Variants in PPM1B observed in about 807,000 individuals in gnomAD.
PPM1B encodes protein phosphatase, Mg2+/Mn2+ dependent 1B.
PPM1B carries 22 observed loss-of-function variants against 43.0 expected under a neutral mutation model. The ratio of observed to expected loss-of-function variants is 0.51; its 90% CI spans 0.37 to 0.73. The LOEUF is 0.73. Among genes scored for constraint, PPM1B ranks in the 30% least tolerant of loss-of-function variants. The pLI, the probability that PPM1B is intolerant of heterozygous loss-of-function variation, is 0.00. For synonymous variants in PPM1B, 217 were observed against 197.9 expected (o/e 1.10, Z -0.81); for missense variants, 632 against 584.2 (o/e 1.08, Z -0.84).
intron 3 of PPM1B, chr2:44,209,559 A>G (rs929249615): frequency 2.3e-5 from 9 of 391,936 alleles, no homozygotes; most frequent in East Asian, 1.9e-4. Context: ...AGGCGGGCAG[A>G]TCATGAGGTC....
chr2:44,179,173 C>G (rs763529511), intron 1 of PPM1B, among the ~76,000 whole-genome samples: 1 of 152,184 alleles, frequency 6.6e-6, no homozygotes, highest in Non-Finnish European at 1.5e-5. Context: ...CTGCTGCCAT[C>G]TATGTAAGAT....
intron 5 of PPM1B, among the ~76,000 whole-genome samples, chr2:44,228,863 A>C (rs138188435): frequency 6.6e-6 from 1 of 152,174 alleles, no homozygotes; most frequent in African/African-American, 2.4e-5. Context: ...ACCTGTAAAC[A>C]TTTAAGCATG....
intron 5 of PPM1B, among the ~76,000 whole-genome samples, chr2:44,224,232 G>T (rs1331703830): frequency 1.3e-5 from 2 of 152,082 alleles, no homozygotes; most frequent in Admixed American, 6.6e-5. Context: ...GAGGTGGGCG[G>T]ATCACAAGGT....
At chr2:44,208,525 C>G (rs1251366341) in intron 2 of PPM1B, among the ~76,000 whole-genome samples, 1 of 151,926 alleles carries the variant, frequency 6.6e-6, no homozygotes, top group African/African-American at 2.4e-5. Flanking sequence ...CCAGCCTGGT[C>G]AACATGGTGA....
intron 5 of PPM1B, among the ~76,000 whole-genome samples, chr2:44,219,904 T>C (rs1013155958): frequency 6.6e-6 from 1 of 151,018 alleles, no homozygotes; most frequent in African/African-American, 2.4e-5. Flanking sequence ...GATCATGCCA[T>C]TGCACTCCAC....
At chr2:44,178,474 A>G (rs866489704) in intron 1 of PPM1B, among the ~76,000 whole-genome samples, 1 of 135,336 alleles carries the variant, frequency 7.4e-6, no homozygotes, top group Non-Finnish European at 1.6e-5. Flanking sequence ...ATATATATAT[A>G]TTTTTTTTTT....
intron 1 of PPM1B, among the ~76,000 whole-genome samples, chr2:44,181,650 C>T (rs896529206): frequency 6.6e-6 from 1 of 152,200 alleles, no homozygotes; most frequent in Non-Finnish European, 1.5e-5. Flanking sequence ...TTTATGGCTT[C>T]TGTCCTGGAT....
chr2:44,204,514 G>A (rs189472124), intron 2 of PPM1B, among the ~76,000 whole-genome samples: 10 of 151,990 alleles, frequency 6.6e-5, no homozygotes, highest in Admixed American at 6.6e-4. Flanking sequence ...ATCTTGGGAG[G>A]TTATCATAAT....
chr2:44,207,366 A>G (rs907262041), intron 2 of PPM1B, among the ~76,000 whole-genome samples: 3 of 152,292 alleles, frequency 2.0e-5, no homozygotes, highest in South Asian at 4.1e-4. Context: ...GGCAAACACT[A>G]TCAGACAAAA....
intron 3 of PPM1B, among the ~76,000 whole-genome samples, chr2:44,210,878 C>A (rs1669431303): frequency 1.3e-5 from 2 of 152,116 alleles, no homozygotes; most frequent in Non-Finnish European, 1.5e-5. Context: ...TGGCTCACAC[C>A]TATAATCCCA....
chr2:44,178,621 A>G (rs2104010604), intron 1 of PPM1B, among the ~76,000 whole-genome samples: 1 of 152,060 alleles, frequency 6.6e-6, no homozygotes, highest in Non-Finnish European at 1.5e-5. Context: ...GGCACCTGCC[A>G]CCACACCCAG....
downstream of PPM1B, chr2:44,244,399 G>C (rs1368295682): frequency 3.0e-6 from 4 of 1,318,488 alleles, no homozygotes; most frequent in Non-Finnish European, 4.0e-6. Context: ...TTGTACTGCT[G>C]TTAACCTTTA....
chr2:44,233,893 G>T, downstream of PPM1B: 3 of 985,430 alleles, frequency 3.0e-6, no homozygotes, highest in African/African-American at 1.7e-5. Flanking sequence ...TGGGTTTGGG[G>T]GGTTGTTAAA....
At chr2:44,177,055 C>G (rs1307063292) in intron 1 of PPM1B, among the ~76,000 whole-genome samples, 1 of 152,222 alleles carries the variant, frequency 6.6e-6, no homozygotes, top group African/African-American at 2.4e-5. Flanking sequence ...GCTGGGATTA[C>G]AGGCATGAGC....
chr2:44,227,407 A>T lies in PPM1B; in HGVS notation c.1135-3006A>T, dbSNP rs552741999. Among the ~76,000 whole-genome samples the T allele has an allele frequency of 2.0e-5, 3 of 152,214 alleles. No individual in the cohort carries two copies. In the East Asian group the frequency reaches 5.8e-4, roughly 29 times the overall value. On this transcript the variant is annotated intron_variant, in intron 5 of 5. Coordinates refer to ENST00000282412, the MANE Select transcript of PPM1B (RefSeq NM_002706.6). ...AAGTATCTAGAACTCCCTACCCATT[A>T]TCATTATATTGCTGTATTTCCTTTC...
At position 44,201,535 on chromosome 2, in the gene PPM1B, A is replaced by T. The variant is rs778686763; in HGVS notation, c.336A>T (p.Lys112Asn). ...ATGGTATCAGAACTGGATTTTTGAAAATTGATGAATACATGCGTAACTTTT... is the reference window on the plus strand; with the variant it reads ...ATGGTATCAGAACTGGATTTTTGAATATTGATGAATACATGCGTAACTTTT... ...VKNGIRTGFL[K>N]IDEYMRNFSD... Residue 112 changes from lysine to asparagine, a missense_variant, in exon 2 of 6, where the codon AAA becomes AAT. By Grantham distance (94) the Lys-to-Asn change is moderately conservative (BLOSUM62 0). Transcript: ENST00000282412. The surrounding 1 kb of genome is among the most constrained non-coding windows in gnomAD (Gnocchi z 5.4). 5.6e-6 allele frequency: 9 copies of T among 1,614,198 alleles called. No homozygotes were observed. In the South Asian group the frequency reaches 9.9e-5, roughly 18 times the overall value.
chr2:44,229,056 C>A (rs1383972965), intron 5 of PPM1B, among the ~76,000 whole-genome samples: 2 of 151,888 alleles, frequency 1.3e-5, no homozygotes, highest in Admixed American at 6.6e-5. Context: ...GTGTCACATG[C>A]CTGTAATCCC....
chr2:44,230,755 G>T lies in PPM1B; in HGVS notation c.*37G>T, dbSNP rs1299371713. The T allele has an allele frequency of 1.3e-6, 2 of 1,586,812 alleles. No individual in the cohort carries two copies. The highest frequency in any genetic ancestry group is 1.7e-6 in the Non-Finnish European group (2 of 1,164,616). The stretch of plus-strand genomic sequence containing the variant: ...GGTAATATTTTTGTGATCTTTGATG[G>T]TTTTTAACCTAGGAAGTGTAATGTA... On this transcript the variant is annotated 3_prime_UTR_variant, in exon 6 of 6. Coordinates refer to ENST00000282412, the MANE Select transcript of PPM1B (RefSeq NM_002706.6).
intron 1 of PPM1B, among the ~76,000 whole-genome samples, chr2:44,191,404 T>C (rs1441728920): frequency 6.6e-6 from 1 of 152,054 alleles, no homozygotes; most frequent in East Asian, 1.9e-4. Context: ...TTAGTAGAGA[T>C]GGGGTTTCAC....
Sources: allele counts gnomAD v4.1 joint callset (sites outside exome capture counted in the v4.1 genomes callset), GRCh38; gene constraint gnomAD v4.1.1; non-coding constraint Gnocchi (gnomAD v3.1); transcripts MANE v1.5; gene names NCBI Gene and HGNC (gene_info 2026-07-23, HGNC 2026-07-21).